SRRM1: variants seen among roughly 807,000 people sequenced by gnomAD.
The protein encoded by SRRM1 is serine/arginine repetitive matrix protein 1.
Under a neutral mutation model 110.2 loss-of-function variants are expected in SRRM1, and 19 were observed. The observed-to-expected ratio is 0.17, with a 90% CI of 0.12 to 0.25. SRRM1 has a LOEUF of 0.25. Ranked by LOEUF, SRRM1 falls within the 10% of genes least tolerant of loss-of-function variation. SRRM1 has a pLI of 1.00. For synonymous variants in SRRM1, 443 were observed against 414.9 expected (o/e 1.07, Z -0.82); for missense variants, 918 against 1,145.8 (o/e 0.80, Z 2.87).
intron 1 of SRRM1, 138 bp downstream of exon 1, chr1:24,643,485 C>T: frequency 3.8e-6 from 1 of 264,844 alleles, no homozygotes; most frequent in Non-Finnish European, 5.8e-6. Context: ...CCGGCGCACC[C>T]CCCCCCCCCC....
At chr1:24,667,037 C>G in intron 13 of SRRM1, 112 bp downstream of exon 13, 1 of 632,684 alleles carries the variant, frequency 1.6e-6, no homozygotes, top group Non-Finnish European at 2.8e-6. Flanking sequence ...AGGCACAGCT[C>G]ATGTGTGCAT....
At chr1:24,646,840 A>C (rs1282030412) in intron 3 of SRRM1, 51 bp downstream of exon 3, 1 of 1,476,146 alleles carries the variant, frequency 6.8e-7, no homozygotes, top group Non-Finnish European at 9.0e-7. Context: ...ATAATTTGTG[A>C]ATCTTTGGAA....
At position 24,643,323 on chromosome 1, in the gene SRRM1, C is replaced by T. The variant is rs753828282; in HGVS notation, c.-4C>T. The T allele has an allele frequency of 1.9e-6, 3 of 1,559,722 alleles. No homozygotes were observed. Among genetic ancestry groups the T allele is most frequent in the Non-Finnish European group, 1.7e-6 (2 of 1,157,670 alleles). Reference sequence around the variant, plus strand: ...AGGGAGCGATCTCCGAGCGAGGCGGCAAGATGGACGCGGGATTTTTCCGCG... The same window carrying T: ...AGGGAGCGATCTCCGAGCGAGGCGGTAAGATGGACGCGGGATTTTTCCGCG... On this transcript the variant is annotated 5_prime_UTR_variant, in exon 1 of 17. Transcript: ENST00000323848.
intron 9 of SRRM1, among the ~76,000 whole-genome samples, chr1:24,658,372 A>C (rs1054695344): frequency 2.0e-5 from 3 of 152,128 alleles, no homozygotes; most frequent in African/African-American, 7.2e-5. Context: ...CACCACACCC[A>C]GCTAATACAA....
intron 11 of SRRM1, 34 bp downstream of exon 11, chr1:24,661,430 G>C (rs751958771): frequency 4.0e-5 from 60 of 1,497,228 alleles, no homozygotes; most frequent in Non-Finnish European, 4.7e-5. Flanking sequence ...TTTTCTACCT[G>C]TATTTCCTAT....
chr1:24,665,290 G>A (rs1453010675), intron 12 of SRRM1, among the ~76,000 whole-genome samples: 2 of 152,108 alleles, frequency 1.3e-5, no homozygotes, highest in Non-Finnish European at 2.9e-5. Flanking sequence ...TTAGCCGGGC[G>A]TGGTGGCGCA....
rs142386020 is a variant in SRRM1 at position 24,669,481 on chromosome 1, G to C, written c.2098G>C (p.Val700Leu). 31 of 1,613,038 alleles carry C rather than the reference G, an allele frequency of 1.9e-5. No homozygotes were observed. The African/African-American group carries it at 4.0e-4, about 21-fold the overall frequency. Reference sequence around the variant, plus strand: ...TCAGACCTCCTCAAGTCCTCCACCCGTTCGAAGAGGAGCGTCGTCATCACC... The same window carrying C: ...TCAGACCTCCTCAAGTCCTCCACCCCTTCGAAGAGGAGCGTCGTCATCACC... ...APQTSSSPPP[V>L]RRGASSSPQR... is the part of the protein sequence containing the mutation. The change falls in exon 14 of 17, where the codon GTT becomes CTT. Residue 700 changes from valine (V) to leucine (L), a missense_variant. This residue lies in a region of SRRM1 where 357 missense variants were observed against 402.9 expected (regional missense o/e 0.89). Transcript: ENST00000323848.
At position 24,670,494 on chromosome 1, in the gene SRRM1, CATCTGTTTTTT is replaced by C. The variant is rs68191022; in HGVS notation, c.2400+180_2400+190del. 8.8e-3 allele frequency among the ~76,000 whole-genome samples: 1,334 copies of C among 152,132 alleles called. 12 individuals carry two copies. The highest frequency in any genetic ancestry group is 0.03 in the African/African-American group (1,237 of 41,486). On this transcript the variant is annotated intron_variant, in intron 15 of 16. Coordinates refer to ENST00000323848, the MANE Select transcript of SRRM1 (RefSeq NM_005839.4). ...TGCATAAAATCAGTGGTTAGGTGTC[CATCTGTTTTTT>C]GTTTGTTTTTGAGACAGGGTCTCAT...
At position 24,649,929 on chromosome 1, in the gene SRRM1, A is replaced by T. The variant is rs552877680; in HGVS notation, c.406-42A>T. The T allele has an allele frequency of 2.1e-5, 31 of 1,494,636 alleles. No homozygotes were observed. The African/African-American group carries it at 2.7e-4, about 13-fold the overall frequency. 92.6% of individuals were successfully genotyped at this position (1,494,636 alleles called of 1,614,324 possible). On this transcript the variant is annotated intron_variant, in intron 4 of 16. Coordinates refer to ENST00000323848, the MANE Select transcript of SRRM1 (RefSeq NM_005839.4). ...AGAAAGTAGTCTTCAGTTTGTTCTC[A>T]AATGTTCAACTATGTGTATTTTGAA...
intron 12 of SRRM1, among the ~76,000 whole-genome samples, chr1:24,666,024 C>G (rs1356697374): frequency 6.6e-6 from 1 of 152,142 alleles, no homozygotes; most frequent in Non-Finnish European, 1.5e-5. Context: ...ATTAGAGTCT[C>G]TAAAGCAGTT....
At chr1:24,652,284 G>A (rs1661413032) in intron 6 of SRRM1, 150 bp from the exon 7 acceptor site, 3 of 538,332 alleles carry the variant, frequency 5.6e-6, no homozygotes, top group East Asian at 6.3e-5. Context: ...TCAGTGATAG[G>A]TACATACATA....
rs753954414 is a variant in SRRM1 at position 24,651,412 on chromosome 1, C to T, written c.525C>T (p.Arg175=). 6.2e-7 allele frequency: 1 copy of T among 1,613,264 alleles called. No individual in the cohort carries two copies. Among genetic ancestry groups the T allele is most frequent in the East Asian group, 2.2e-5 (1 of 44,886 alleles). ...AAAAAAATTACTTTCATCCTAGACG[C>T]AAATCCAGATCTCCTTCCCCTAGAA... ...KRERSRSPRR[R]KSRSPSPRRR... is the part of the protein sequence containing the mutation. The change falls in exon 6 of 17, where the codon CGC becomes CGT. Residue 175 remains arginine, a synonymous_variant. Transcript: ENST00000323848.
Position 24,653,020 on chromosome 1 carries a change from C to G in SRRM1, c.1028C>G (p.Ser343Cys). 1 of 1,613,194 alleles carries G rather than the reference C, an allele frequency of 6.2e-7. No homozygotes were observed. The highest frequency in any genetic ancestry group is 2.2e-5 in the East Asian group (1 of 44,876). ...PPPPRHRRSRSPVRRRRRSSA... is the reference protein window; with the variant it reads ...PPPPRHRRSRCPVRRRRRSSA... The stretch of plus-strand genomic sequence containing the variant: ...CCACCAAGGCATAGAAGGAGTAGAT[C>G]TCCAGTAAGACGGTAAGATTTTTTA... The change falls in exon 8 of 17, where the codon TCT (serine) becomes TGT (cysteine). Residue 343 changes from serine to cysteine, a missense_variant. Physicochemically the swap from Ser to Cys is moderately radical, Grantham distance 112. Coordinates refer to ENST00000323848, the MANE Select transcript of SRRM1 (RefSeq NM_005839.4).
intron 12 of SRRM1, chr1:24,663,371 A>T (rs1570996202): frequency 2.0e-6 from 1 of 512,418 alleles, no homozygotes; most frequent in Admixed American, 3.7e-5. Flanking sequence ...TGGTTTGAGT[A>T]TTTTTTTTAA....
rs1054934932 is a variant in SRRM1 at position 24,670,309 on chromosome 1, G to T, written c.2394G>T (p.Pro798=). 1.2e-6 allele frequency: 2 copies of T among 1,609,314 alleles called. No individual in the cohort carries two copies. The highest frequency in any genetic ancestry group is 1.7e-6 in the Non-Finnish European group (2 of 1,178,148). Reference sequence around the variant, plus strand: ...AAAGCCCAACACCGAGCCCATCACCGCCAAGAGTATGTGTCTGCCTTATTT... The same window carrying T: ...AAAGCCCAACACCGAGCCCATCACCTCCAAGAGTATGTGTCTGCCTTATTT... ...KAKSPTPSPS[P]PRNSDQEGGG... The change falls in exon 15 of 17, where the codon CCG becomes CCT. Residue 798 remains proline (P), a synonymous_variant. Transcript: ENST00000323848.
Position 24,649,955 on chromosome 1 carries a change from A to G in SRRM1, c.406-16A>G, listed in dbSNP as rs1659682355. On this transcript the variant is annotated splice_polypyrimidine_tract_variant and intron_variant, in intron 4 of 16. Transcript: ENST00000323848. ...AATGTTCAACTATGTGTATTTTGAA[A>G]ACCTGGTCTTTGCAGATTGAACAAG... 6.4e-7 allele frequency: 1 copy of G among 1,551,162 alleles called. No individual in the cohort carries two copies. Among genetic ancestry groups the G allele is most frequent in the Admixed American group, 2.2e-5 (1 of 46,412 alleles).
rs1663167419 is a variant in SRRM1, at chr1:24,654,975, G to A, written c.1161G>A (p.Arg387=). The change falls in exon 9 of 17, where the codon AGG becomes AGA. Residue 387 remains arginine (R), a synonymous_variant. Coordinates refer to ENST00000323848, the MANE Select transcript of SRRM1 (RefSeq NM_005839.4). ...CCAGCCCCCCTCGGAAAACTCGTAG[G>A]TTATCTCCTTCAGCAAGTCCTCCAA... is the stretch of plus-strand genomic sequence containing the variant. The part of the protein sequence containing the change: ...RTSSPPRKTR[R]LSPSASPPRR... The A allele has an allele frequency of 6.2e-7, 1 of 1,614,140 alleles. No individual in the cohort carries two copies. The highest frequency in any genetic ancestry group is 2.2e-5 in the East Asian group (1 of 44,888).
At chr1:24,665,120 A>G (rs914009702) in intron 12 of SRRM1, among the ~76,000 whole-genome samples, 4 of 152,190 alleles carry the variant, frequency 2.6e-5, no homozygotes, top group South Asian at 2.1e-4. Flanking sequence ...ATGCTTCAGT[A>G]TCGTATTTTA....
At position 24,650,002 on chromosome 1, in the gene SRRM1, A is replaced by G; in HGVS notation, c.437A>G (p.Lys146Arg). ...IEQEKLASMK[K>R]QDEDKDKRDK... ...CAAGAAAAACTGGCATCTATGAAAA[A>G]GCAAGATGAAGACAAAGATAAAAGA... Residue 146 changes from lysine (K) to arginine (R), a missense_variant, in exon 5 of 17, where the codon AAG becomes AGG. By Grantham distance (26) the Lys-to-Arg change is conservative. Transcript: ENST00000323848. 6.3e-7 allele frequency: 1 copy of G among 1,593,274 alleles called. No individual in the cohort carries two copies. The highest frequency in any genetic ancestry group is 8.5e-7 in the Non-Finnish European group (1 of 1,171,120).
Sources: allele counts gnomAD v4.1 joint callset (sites outside exome capture counted in the v4.1 genomes callset), GRCh38; gene constraint gnomAD v4.1.1; regional missense constraint gnomAD v4.1.1; transcripts MANE v1.5; gene names NCBI Gene and HGNC (gene_info 2026-07-23, HGNC 2026-07-21).